CELF4: variants seen among roughly 807,000 people sequenced by gnomAD.
CELF4 encodes CUGBP Elav-like family member 4.
In CELF4, 18 loss-of-function variants were observed where a neutral mutation model predicts 59.9. The ratio of observed to expected loss-of-function variants is 0.30; its 90% CI spans 0.21 to 0.45. The LOEUF is 0.45. Ranked by LOEUF, CELF4 falls within the 20% of genes least tolerant of loss-of-function variation. The pLI, the probability that CELF4 is intolerant of heterozygous loss-of-function variation, is 1.00. For synonymous variants in CELF4, 261 were observed against 267.1 expected (o/e 0.98, Z 0.22); for missense variants, 456 against 689.0 (o/e 0.66, Z 3.79).
chr18:37,342,891 C>T (rs1297354546), intron 2 of CELF4, among the ~76,000 whole-genome samples: 1 of 152,228 alleles, frequency 6.6e-6, no homozygotes, highest in African/African-American at 2.4e-5. Flanking sequence ...GTGTCCCCCC[C>T]AACCCCTATG....
rs141821461 is a variant in CELF4, at chr18:37,446,830, C to T, written c.369+38695G>A. 1.5e-3 allele frequency among the ~76,000 whole-genome samples: 235 copies of T among 152,208 alleles called. 3 individuals carry two copies. The highest frequency in any genetic ancestry group is 0.014 in the Middle Eastern group (4 of 294). ...AAGACCATGGTGTTGCTGGGCAGCA[C>T]AATTAAGTCAGTACCACATTACTGG... On this transcript the variant is annotated intron_variant, in intron 2 of 12. Transcript: ENST00000420428.
At chr18:37,423,097 G>T (rs1198008566) in intron 2 of CELF4, among the ~76,000 whole-genome samples, 2 of 151,480 alleles carry the variant, frequency 1.3e-5, no homozygotes, top group South Asian at 4.2e-4. Flanking sequence ...CAGAGAGAGA[G>T]AGAGAGACAG....
At chr18:37,337,032 C>T (rs751355394) in intron 2 of CELF4, among the ~76,000 whole-genome samples, 24 of 152,200 alleles carry the variant, frequency 1.6e-4, no homozygotes, top group Non-Finnish European at 2.4e-4. Flanking sequence ...CCATGCCTGG[C>T]GCTCACAGGC....
rs538642149 is a variant in CELF4 at position 37,438,825 on chromosome 18, G to T, written c.369+46700C>A. ...ATTTATACATACTTTTTACCCATCT[G>T]TTAGCATTCAGGCTTCAGGCTGCTT... On this transcript the variant is annotated intron_variant, in intron 2 of 12. Transcript: ENST00000420428. Among the ~76,000 whole-genome samples the T allele has an allele frequency of 1.3e-3, 200 of 152,258 alleles. 7 individuals are homozygous for T. In the South Asian group the frequency reaches 0.037, roughly 28 times the overall value.
At chr18:37,549,076 G>A (rs185351828) in intron 1 of CELF4, among the ~76,000 whole-genome samples, 59 of 152,338 alleles carry the variant, frequency 3.9e-4, no homozygotes, top group Admixed American at 3.1e-3. Context: ...CGCTCCCAGA[G>A]CTGGTCCTGA....
At chr18:37,444,699 G>A (rs1189669629) in intron 2 of CELF4, among the ~76,000 whole-genome samples, 2 of 151,436 alleles carry the variant, frequency 1.3e-5, no homozygotes, top group African/African-American at 4.9e-5. Flanking sequence ...GTGGGGAGGT[G>A]CAGGGGTGGG....
At chr18:37,421,858 G>C (rs972161328) in intron 2 of CELF4, among the ~76,000 whole-genome samples, 1 of 152,236 alleles carries the variant, frequency 6.6e-6, no homozygotes, top group African/African-American at 2.4e-5. Context: ...AGTCAGCATG[G>C]ATTAGCATGG....
rs143160059 is a variant in CELF4 at position 37,398,128 on chromosome 18, C to T, written c.370-76247G>A. 8.1e-3 allele frequency among the ~76,000 whole-genome samples: 1,227 copies of T among 152,256 alleles called. 19 individuals carry two copies. The highest frequency in any genetic ancestry group is 0.028 in the African/African-American group (1,165 of 41,550). Reference sequence around the variant, plus strand: ...AGGACAGGTGTGTCAAGTGAGCTGCCGGCCCTTGCTGTTGGGAGAGAGTGA... The same window carrying T: ...AGGACAGGTGTGTCAAGTGAGCTGCTGGCCCTTGCTGTTGGGAGAGAGTGA... On this transcript the variant is annotated intron_variant, in intron 2 of 12. Transcript: ENST00000420428.
intron 2 of CELF4, among the ~76,000 whole-genome samples, chr18:37,451,580 C>A (rs2099764221): frequency 6.6e-6 from 1 of 152,156 alleles, no homozygotes; most frequent in South Asian, 2.1e-4. Flanking sequence ...CACATCCCTG[C>A]CTTGCACTTC....
intron 2 of CELF4, among the ~76,000 whole-genome samples, chr18:37,451,383 GTGTGCATGTGTCTC>G (rs1427230748): frequency 1.3e-5 from 2 of 152,276 alleles, no homozygotes; most frequent in East Asian, 1.9e-4. Context: ...TATGCTGTAT[GTGTGCATGTGTCTC>G]TGTGCATGTG....
chr18:37,541,240 G>A (rs773527821), intron 1 of CELF4, among the ~76,000 whole-genome samples: 13 of 152,018 alleles, frequency 8.6e-5, no homozygotes, highest in African/African-American at 1.7e-4. Context: ...CAGGCCTCCC[G>A]CTCTCAGCAA....
At chr18:37,305,168 C>T (rs968889862) in intron 3 of CELF4, 8 of 152,186 alleles carry the variant, frequency 5.3e-5, no homozygotes, top group African/African-American at 7.2e-5. Context: ...AACAGGCTGC[C>T]GCCACGTTGG....
At chr18:37,533,453 C>G (rs1208333400) in intron 1 of CELF4, among the ~76,000 whole-genome samples, 2 of 152,092 alleles carry the variant, frequency 1.3e-5, no homozygotes, top group South Asian at 4.1e-4. Flanking sequence ...GAGTGGGGGC[C>G]CTTCTGATTC....
chr18:37,393,468 C>A (rs1204482177), intron 2 of CELF4, among the ~76,000 whole-genome samples: 1 of 152,202 alleles, frequency 6.6e-6, no homozygotes, highest in Non-Finnish European at 1.5e-5. Context: ...CAAGAAGCAG[C>A]CCTTTGGACA....
intron 2 of CELF4, among the ~76,000 whole-genome samples, chr18:37,427,534 A>C (rs2099621690): frequency 6.6e-6 from 1 of 151,562 alleles, no homozygotes; most frequent in Non-Finnish European, 1.5e-5. Flanking sequence ...GCCTCTGGGG[A>C]CCCTTACAGC....
chr18:37,400,943 T>C (rs1321316504), intron 2 of CELF4, among the ~76,000 whole-genome samples: 4 of 152,256 alleles, frequency 2.6e-5, no homozygotes, highest in African/African-American at 9.6e-5. Context: ...TGTGTCACTA[T>C]GGGAACAGCT....
intron 1 of CELF4, among the ~76,000 whole-genome samples, chr18:37,493,145 C>T (rs1278015147): frequency 1.3e-5 from 2 of 152,190 alleles, no homozygotes; most frequent in Non-Finnish European, 2.9e-5. Context: ...TTTCTGACTT[C>T]CTCTTGCTTC....
chr18:37,377,582 C>A (rs117755044), intron 2 of CELF4, among the ~76,000 whole-genome samples: 3 of 152,146 alleles, frequency 2.0e-5, no homozygotes, highest in Admixed American at 6.5e-5. Flanking sequence ...GCTGGGAACA[C>A]GGTGATGAGA....
At chr18:37,284,009 T>TGCAATACACACACCACACATACACCC (rs2094476370) in intron 3 of CELF4, among the ~76,000 whole-genome samples, 2 of 42,984 alleles carry the variant, frequency 4.7e-5, no homozygotes, top group Non-Finnish European at 9.5e-5. Context: ...ACCCAACCAC[T>TGCAATACACACACCACACATACACCC]CAACATGCAC....
Sources: allele counts gnomAD v4.1 joint callset (sites outside exome capture counted in the v4.1 genomes callset), GRCh38; gene constraint gnomAD v4.1.1; transcripts MANE v1.5; gene names NCBI Gene and HGNC (gene_info 2026-07-23, HGNC 2026-07-21).